Variants in DOCK7 observed in about 807,000 individuals in gnomAD.
DOCK7 encodes the protein dedicator of cytokinesis protein 7.
Under a neutral mutation model 271.0 loss-of-function variants are expected in DOCK7, and 138 were observed. The observed-to-expected ratio is 0.51, with a 90% CI of 0.44 to 0.59. DOCK7 has a LOEUF of 0.59. DOCK7 is among the 20% of genes least tolerant of loss of function. The pLI, the probability that DOCK7 is intolerant of heterozygous loss-of-function variation, is 0.00. For synonymous variants in DOCK7, 823 were observed against 876.1 expected (o/e 0.94, Z 1.07); for missense variants, 2,066 against 2,592.4 (o/e 0.80, Z 4.41).
At chr1:62,490,328 A>G (rs1646426520) in intron 41 of DOCK7, among the ~76,000 whole-genome samples, 1 of 151,866 alleles carries the variant, frequency 6.6e-6, no homozygotes, top group South Asian at 2.1e-4. Context: ...CACCTTGCAC[A>G]GTAATCCTAG....
chr1:62,636,799 T>C (rs1011753926), intron 7 of DOCK7, among the ~76,000 whole-genome samples, 196 bp from the exon 8 acceptor site: 1 of 152,178 alleles, frequency 6.6e-6, no homozygotes, highest in African/African-American at 2.4e-5. Context: ...TTATCTTCTC[T>C]AGTTAATCCT....
At chr1:62,596,983 A>T (rs865964348) in intron 14 of DOCK7, among the ~76,000 whole-genome samples, 6 of 152,184 alleles carry the variant, frequency 3.9e-5, no homozygotes, top group South Asian at 4.1e-4. Context: ...AATTATAGTG[A>T]CAAAAAATGA....
intron 48 of DOCK7, among the ~76,000 whole-genome samples, chr1:62,469,547 A>C (rs571352366): frequency 3.9e-5 from 6 of 152,332 alleles, no homozygotes; most frequent in Admixed American, 3.3e-4. Context: ...ATGCAATAAA[A>C]ACAAAGATAA....
chr1:62,597,778 T>C (rs769753498), intron 14 of DOCK7: 1 of 1,613,572 alleles, frequency 6.2e-7, no homozygotes, highest in South Asian at 1.1e-5. Context: ...ATTAATGACA[T>C]ATTTCAAAAA....
intron 16 of DOCK7, among the ~76,000 whole-genome samples, chr1:62,580,451 G>C (rs1221993141): frequency 6.6e-6 from 1 of 152,008 alleles, no homozygotes; most frequent in Non-Finnish European, 1.5e-5. Flanking sequence ...CAAAAATAAA[G>C]ACCTAGCAAT....
intron 33 of DOCK7, among the ~76,000 whole-genome samples, chr1:62,511,694 T>A (rs1644489082): frequency 6.6e-6 from 1 of 152,110 alleles, no homozygotes; most frequent in Admixed American, 6.5e-5. Context: ...CCCTTTTCTT[T>A]CCTTTCTTTC....
At chr1:62,503,613 T>C (rs575838494) in intron 37 of DOCK7, among the ~76,000 whole-genome samples, 26 of 152,092 alleles carry the variant, frequency 1.7e-4, no homozygotes, top group African/African-American at 5.8e-4. Flanking sequence ...TAGTATTATT[T>C]ATTTTTTTGT....
rs183587976 is a variant in DOCK7 at position 62,584,958 on chromosome 1, A to G, written c.1800+1549T>C. The G allele has an allele frequency of 8.2e-5, 51 of 619,498 alleles. 1 individual carries two copies. In the East Asian group the frequency reaches 1.1e-3, roughly 14 times the overall value. The allele number at this position is 619,498 out of a possible 1,614,324, so 38.4% of individuals were successfully genotyped here. ...ATAAAAAATAGATTATTCTACATATATTACATTTGTCGTATGCTCAAATTC... is the reference window on the plus strand; with the variant it reads ...ATAAAAAATAGATTATTCTACATATGTTACATTTGTCGTATGCTCAAATTC... On this transcript the variant is annotated intron_variant, in intron 15 of 49. Transcript: ENST00000635253.
intron 41 of DOCK7, among the ~76,000 whole-genome samples, chr1:62,490,901 AC>A (rs1646447417): frequency 6.6e-6 from 1 of 152,170 alleles, no homozygotes; most frequent in African/African-American, 2.4e-5. Flanking sequence ...GAGGATCGAC[AC>A]CTAATATTTT....
intron 22 of DOCK7, among the ~76,000 whole-genome samples, chr1:62,552,395 ATC>A (rs1356851104): frequency 2.0e-5 from 3 of 152,178 alleles, no homozygotes; most frequent in Admixed American, 2.0e-4. Flanking sequence ...CAATGATGAC[ATC>A]TCTCTTCTAC....
At chr1:62,472,327 A>G (rs939695663) in intron 48 of DOCK7, among the ~76,000 whole-genome samples, 2 of 149,368 alleles carry the variant, frequency 1.3e-5, no homozygotes, top group Non-Finnish European at 1.5e-5. Context: ...CTGGTCTTGA[A>G]CTCCTGAGCT....
At chr1:62,631,987 T>C (rs1396553736) in intron 10 of DOCK7, among the ~76,000 whole-genome samples, 2 of 152,182 alleles carry the variant, frequency 1.3e-5, no homozygotes, top group Non-Finnish European at 2.9e-5. Flanking sequence ...AGTACAAGCA[T>C]ATCTGGAAGA....
At chr1:62,492,417 T>C (rs1019777985) in intron 41 of DOCK7, 1 of 303,578 alleles carries the variant, frequency 3.3e-6, no homozygotes, top group Non-Finnish European at 6.1e-6. Flanking sequence ...GCCTCTCAAG[T>C]AGCTGGGACC....
At chr1:62,461,730 A>AT (rs1553148819) in intron 48 of DOCK7, among the ~76,000 whole-genome samples, 13 of 151,424 alleles carry the variant, frequency 8.6e-5, no homozygotes, top group Non-Finnish European at 1.5e-4. Flanking sequence ...ATAAAATAAA[A>AT]GTCAACTGAT....
intron 37 of DOCK7, among the ~76,000 whole-genome samples, chr1:62,497,158 A>C (rs1646646846): frequency 6.6e-6 from 1 of 152,116 alleles, no homozygotes; most frequent in South Asian, 2.1e-4. Flanking sequence ...CTCCTACCTT[A>C]TCTTCAGTGG....
intron 4 of DOCK7, among the ~76,000 whole-genome samples, chr1:62,649,021 G>A (rs921775614): frequency 2.0e-5 from 3 of 151,860 alleles, no homozygotes; most frequent in Non-Finnish European, 4.4e-5. Context: ...ACCTAAAGCT[G>A]CAGACTTGTA....
At chr1:62,606,962 CTT>C (rs982261645) in intron 14 of DOCK7, among the ~76,000 whole-genome samples, 2 of 152,132 alleles carry the variant, frequency 1.3e-5, no homozygotes, top group African/African-American at 4.8e-5. Flanking sequence ...AATCCCAGGA[CTT>C]TGGGAGGCTG....
chr1:62,612,617 T>C (rs1651934852), intron 14 of DOCK7, among the ~76,000 whole-genome samples: 1 of 152,228 alleles, frequency 6.6e-6, no homozygotes. Context: ...TGTATTAATT[T>C]GTTCCCTTTA....
chr1:62,480,503 G>A (rs550966388), intron 43 of DOCK7, among the ~76,000 whole-genome samples: 14 of 152,254 alleles, frequency 9.2e-5, no homozygotes, highest in Admixed American at 7.9e-4. Context: ...AGGTATAAGG[G>A]AAGATTAATC....
Sources: allele counts gnomAD v4.1 joint callset (sites outside exome capture counted in the v4.1 genomes callset), GRCh38; gene constraint gnomAD v4.1.1; transcripts MANE v1.5; gene names NCBI Gene and HGNC (gene_info 2026-07-23, HGNC 2026-07-21).